The following ADSS1 variants were observed in gnomAD, a reference collection of about 807,000 sequenced individuals.
ADSS1 encodes adenylosuccinate synthase 1, also known as adenylosuccinate synthetase isozyme 1.
In ADSS1, 57 loss-of-function variants were observed where a neutral mutation model predicts 59.1. The observed-to-expected ratio is 0.97, with a 90% CI of 0.78 to 1.20. ADSS1 has a LOEUF of 1.20. Among genes scored for constraint, ADSS1 ranks in the 50% most tolerant of loss-of-function variants. ADSS1 has a pLI of 0.00. For synonymous variants in ADSS1, 247 were observed against 249.4 expected (o/e 0.99, Z 0.09); for missense variants, 603 against 610.3 (o/e 0.99, Z 0.13).
At chr14:104,727,015 C>T (rs1890734902) in intron 1 of ADSS1, among the ~76,000 whole-genome samples, 1 of 152,218 alleles carries the variant, frequency 6.6e-6, no homozygotes, top group South Asian at 2.1e-4. Flanking sequence ...GCCATCACTT[C>T]GAGCCCAGCT....
intron 1 of ADSS1, 23 bp downstream of exon 1, chr14:104,724,485 CCTCCCCCACCGCCCAG>C: frequency 8.1e-7 from 1 of 1,233,446 alleles, no homozygotes; most frequent in Non-Finnish European, 1.0e-6. Flanking sequence ...GCGCCGGGTC[CCTCCCCCACCGCCCAG>C]CGAGCCCCCC....
chr14:104,730,106 C>T (rs1257681729), intron 1 of ADSS1: 2 of 1,550,368 alleles, frequency 1.3e-6, no homozygotes, highest in South Asian at 1.2e-5. Context: ...TAGGGTGACG[C>T]TGGGAGAGGA....
intron 1 of ADSS1, among the ~76,000 whole-genome samples, chr14:104,727,458 C>G (rs1271366057): frequency 6.6e-6 from 1 of 152,174 alleles, no homozygotes; most frequent in African/African-American, 2.4e-5. Context: ...CCAAGCCTCT[C>G]TCCCCTCCAG....
At position 104,724,237 on chromosome 14, in the gene ADSS1, G is replaced by A. The variant is rs1246921865; in HGVS notation, c.-34G>A. 3 of 1,222,328 alleles carry A rather than the reference G, an allele frequency of 2.5e-6. No individual in the cohort carries two copies. Among genetic ancestry groups the A allele is most frequent in the Non-Finnish European group, 3.1e-6 (3 of 981,382 alleles). The allele number at this position is 1,222,328 out of a possible 1,614,324, so 75.7% of individuals were successfully genotyped here. ...CGGACGCCGGCGGCGGCGGGCTCCT[G>A]GCCGGGCCAGCGCAGCGGAAGAGCC... On this transcript the variant is annotated 5_prime_UTR_variant, in exon 1 of 13. Coordinates refer to ENST00000330877, the MANE Select transcript of ADSS1 (RefSeq NM_152328.5).
At chr14:104,730,362 C>T (rs528908789) in intron 1 of ADSS1, 11 of 872,238 alleles carry the variant, frequency 1.3e-5, no homozygotes, top group African/African-American at 1.7e-5. Context: ...TGCTGGTGGG[C>T]GCCTGTAGTC....
At chr14:104,726,510 G>T (rs1256657611) in intron 1 of ADSS1, among the ~76,000 whole-genome samples, 1 of 152,178 alleles carries the variant, frequency 6.6e-6, no homozygotes, top group South Asian at 2.1e-4. Flanking sequence ...AGCGGTGGGG[G>T]TTCTCCCCTA....
Position 104,740,957 on chromosome 14 carries a change from G to A in ADSS1, c.666+37G>A. On this transcript the variant is annotated intron_variant, in intron 7 of 12. Transcript: ENST00000330877. The surrounding 1 kb of genome is among the most constrained non-coding windows in gnomAD (Gnocchi z 4.8). ...GCCGCAGTGTGGGGGCTGCGGAAGTGCTCCTCCAGGGAGGCTGGATGTCCT... is the reference window on the plus strand; with the variant it reads ...GCCGCAGTGTGGGGGCTGCGGAAGTACTCCTCCAGGGAGGCTGGATGTCCT... 1 of 1,613,106 alleles carries A rather than the reference G, an allele frequency of 6.2e-7. No homozygotes were observed.
intron 1 of ADSS1, chr14:104,730,335 C>CA: frequency 2.7e-6 from 3 of 1,131,472 alleles, no homozygotes; most frequent in African/African-American, 1.6e-5. Flanking sequence ...ACTAAAAATA[C>CA]AAAAATTATC....
intron 1 of ADSS1, 91 bp from the exon 2 acceptor site, chr14:104,734,929 C>T: frequency 5.4e-6 from 6 of 1,103,766 alleles, no homozygotes; most frequent in Non-Finnish European, 8.1e-6. Flanking sequence ...CAGTGCCCTG[C>T]AGGGACAGAC....
chr14:104,733,620 C>A (rs1329538521), intron 1 of ADSS1, among the ~76,000 whole-genome samples: 1 of 152,200 alleles, frequency 6.6e-6, no homozygotes, highest in African/African-American at 2.4e-5. Context: ...GCTGAGACCC[C>A]TCTGCCGGGC....
At chr14:104,746,564 G>A (rs1056956732) in intron 12 of ADSS1, among the ~76,000 whole-genome samples, 179 bp downstream of exon 12, 1 of 152,240 alleles carries the variant, frequency 6.6e-6, no homozygotes, top group Non-Finnish European at 1.5e-5. Context: ...GGGCTAGGGT[G>A]TGGGTGTGAC....
Position 104,741,185 on chromosome 14 carries a change from C to T in ADSS1, c.735C>T (p.Gly245=), listed in dbSNP as rs1165301418. ...GVYFMYEALH[G]PPKKILVEGA... ...ACTTTATGTATGAGGCACTCCACGG[C>T]CCCCCCAAGAAGATCCTGGTGGAGG... The change falls in exon 8 of 13, where the codon GGC becomes GGT. Residue 245 remains glycine, a synonymous_variant. Coordinates refer to ENST00000330877, the MANE Select transcript of ADSS1 (RefSeq NM_152328.5). 1 of 1,611,560 alleles carries T rather than the reference C, an allele frequency of 6.2e-7. No homozygotes were observed. The highest frequency in any genetic ancestry group is 1.7e-5 in the Admixed American group (1 of 59,714).
Position 104,740,517 on chromosome 14 carries a change from C to CCGG in ADSS1, c.477-80_477-78dup. 1.6e-6 allele frequency: 2 copies of CCGG among 1,256,142 alleles called. No individual in the cohort carries two copies. Among genetic ancestry groups the CCGG allele is most frequent in the South Asian group, 2.5e-5 (2 of 79,274 alleles). The allele number at this position is 1,256,142 out of a possible 1,614,324, so 77.8% of individuals were successfully genotyped here. A position where few individuals can be genotyped will look rare whatever the true frequency, so the allele number is the denominator to read the frequency against. ...CAATGGTGGGCACTGGAGTCATGAG[C>CCGG]CGGCGGGGGTCATGGCCTCAGTGGG... is the stretch of plus-strand genomic sequence containing the variant. On this transcript the variant is annotated intron_variant, in intron 5 of 12. Coordinates refer to ENST00000330877, the MANE Select transcript of ADSS1 (RefSeq NM_152328.5). The surrounding 1 kb of genome is among the most constrained non-coding windows in gnomAD (Gnocchi z 4.8).
At chr14:104,727,737 G>A (rs1485287598) in intron 1 of ADSS1, among the ~76,000 whole-genome samples, 1 of 152,176 alleles carries the variant, frequency 6.6e-6, no homozygotes, top group Non-Finnish European at 1.5e-5. Flanking sequence ...CCTGTTCCCA[G>A]GCTGGCAGTG....
intron 10 of ADSS1, 134 bp from the exon 11 acceptor site, chr14:104,744,678 C>A: frequency 1.3e-6 from 1 of 744,468 alleles, no homozygotes; most frequent in Non-Finnish European, 2.3e-6. Context: ...GGCCACCAAC[C>A]AGTACTGGTC....
intron 1 of ADSS1, 85 bp downstream of exon 1, chr14:104,724,547 C>T (rs1890665709): frequency 8.1e-7 from 1 of 1,228,866 alleles, no homozygotes; most frequent in East Asian, 3.2e-5. Context: ...CTCCCATGCC[C>T]TGGCCGGTCA....
chr14:104,738,293 C>T (rs1260533912), intron 2 of ADSS1, 83 bp from the exon 3 acceptor site: 3 of 1,457,482 alleles, frequency 2.1e-6, no homozygotes, highest in Non-Finnish European at 2.9e-6. Flanking sequence ...CCACCGCACC[C>T]ACCCATTTCA....
chr14:104,745,538 TC>T (rs977358813), intron 11 of ADSS1: 4 of 153,106 alleles, frequency 2.6e-5, no homozygotes, highest in Admixed American at 6.5e-5. Flanking sequence ...GGCGAGCTGC[TC>T]CTGGCTGGTC....
intron 10 of ADSS1, among the ~76,000 whole-genome samples, chr14:104,743,761 C>G (rs545325161): frequency 6.6e-6 from 1 of 152,246 alleles, no homozygotes; most frequent in South Asian, 2.1e-4. Context: ...GAGAATTAAC[C>G]AGACCCCTGC....
Sources: allele counts gnomAD v4.1 joint callset (sites outside exome capture counted in the v4.1 genomes callset), GRCh38; gene constraint gnomAD v4.1.1; non-coding constraint Gnocchi (gnomAD v3.1); transcripts MANE v1.5; gene names NCBI Gene and HGNC (gene_info 2026-07-23, HGNC 2026-07-21).